BZW2: variants seen among roughly 807,000 people sequenced by gnomAD.
The protein encoded by BZW2 is eIF5-mimic protein 1.
In BZW2, 23 loss-of-function variants were observed where a neutral mutation model predicts 53.2. That is an observed-to-expected ratio of 0.43 (90% CI 0.31 to 0.61). BZW2 has a LOEUF of 0.61. Ranked by LOEUF, BZW2 falls within the 20% of genes least tolerant of loss-of-function variation. The pLI is 0.09. For synonymous variants in BZW2, 227 were observed against 186.4 expected, an observed-to-expected ratio of 1.22 and a Z score of -1.77; for missense variants, 409 against 503.1, an observed-to-expected ratio of 0.81 and a Z score of 1.79.
At chr7:16,671,762 C>G (rs978324171) in intron 2 of BZW2, among the ~76,000 whole-genome samples, 1 of 152,024 alleles carries the variant, frequency 6.6e-6, no homozygotes, top group Non-Finnish European at 1.5e-5. Flanking sequence ...AAGATCCTGT[C>G]TGTACTGAAA....
At chr7:16,674,299 G>A in intron 2 of BZW2, 113 bp from the exon 3 acceptor site, 1 of 723,476 alleles carries the variant, frequency 1.4e-6, no homozygotes, top group Non-Finnish European at 2.1e-6. Context: ...CTTTGGCGAT[G>A]CTCTGTGGAT....
intron 1 of BZW2, among the ~76,000 whole-genome samples, chr7:16,657,681 CTTT>C (rs796198655): frequency 6.6e-6 from 1 of 150,756 alleles, no homozygotes; most frequent in Non-Finnish European, 1.5e-5. Flanking sequence ...TAGTGATAAA[CTTT>C]TTTTTTTCTA....
At chr7:16,673,237 C>T (rs1172422057) in intron 2 of BZW2, among the ~76,000 whole-genome samples, 3 of 152,152 alleles carry the variant, frequency 2.0e-5, no homozygotes, top group East Asian at 1.9e-4. Flanking sequence ...TGAGCCACCA[C>T]GCCCGGCCTT....
In BZW2 at chr7:16,654,868, A is replaced by T. The variant is rs567821199; in HGVS notation, c.-8+8580A>T. Reference sequence around the variant, plus strand: ...TACTATACTGTGTTTAAGTGTGAACAGTGGTCATTACTGAAAGTTAGACTG... The same window carrying T: ...TACTATACTGTGTTTAAGTGTGAACTGTGGTCATTACTGAAAGTTAGACTG... On this transcript the variant is annotated intron_variant, in intron 1 of 11. Transcript: ENST00000258761. Among the ~76,000 whole-genome samples the T allele has an allele frequency of 5.9e-5, 9 of 152,246 alleles. No homozygotes were observed. The South Asian group carries it at 1.9e-3, about 32-fold the overall frequency.
In BZW2 at chr7:16,674,475, C is replaced by G. The variant is rs1298473577; in HGVS notation, c.122C>G (p.Ala41Gly). 1.2e-6 allele frequency: 2 copies of G among 1,613,444 alleles called. No homozygotes were observed. ...RDTLVQGLNE[A>G]GDDLEAVAKF... ...ACACTTGTCCAGGGGCTTAATGAGG[C>G]TGGTGATGACCTTGAAGCTGTAGCC... Residue 41 changes from alanine (A) to glycine (G), a missense_variant, in exon 3 of 12, where the codon GCT becomes GGT. Ala to Gly is a moderately conservative substitution (Grantham distance 60). Around this residue, in one of 3 missense-constraint regions of BZW2, gnomAD observed 316 missense variants for 366.8 expected, o/e 0.86. Transcript: ENST00000258761.
chr7:16,685,805 T>C, intron 5 of BZW2, 100 bp from the exon 6 acceptor site: 1 of 1,376,206 alleles, frequency 7.3e-7, no homozygotes, highest in Non-Finnish European at 9.6e-7. Flanking sequence ...GCCATGGATG[T>C]TCACAGTTTA....
intron 5 of BZW2, among the ~76,000 whole-genome samples, chr7:16,683,278 A>C (rs1045171387): frequency 7.9e-5 from 12 of 152,230 alleles, no homozygotes; most frequent in African/African-American, 2.9e-4. Flanking sequence ...TGTGAAACAC[A>C]TAGTGAGTTT....
Position 16,665,521 on chromosome 7 carries a change from G to T in BZW2, c.58+20G>T. ...AAAGGGGTAGGTTGTGTGTGTGTGT[G>T]TGTGTGTGTTTAAAGTTGTAACCAA... On this transcript the variant is annotated intron_variant, in intron 2 of 11. Coordinates refer to ENST00000258761, the MANE Select transcript of BZW2 (RefSeq NM_014038.3). 2 of 1,613,182 alleles carry T rather than the reference G, an allele frequency of 1.2e-6. No individual in the cohort carries two copies. Among genetic ancestry groups the T allele is most frequent in the Non-Finnish European group, 1.7e-6 (2 of 1,179,442 alleles).
chr7:16,700,517 A>G (rs193059261), intron 10 of BZW2, among the ~76,000 whole-genome samples: 1 of 152,302 alleles, frequency 6.6e-6, no homozygotes, highest in East Asian at 1.9e-4. Context: ...TAATATGCCT[A>G]AGAATTACCC....
chr7:16,674,605 C>A lies in BZW2; in HGVS notation c.235+17C>A. On this transcript the variant is annotated intron_variant, in intron 3 of 11. Coordinates refer to ENST00000258761, the MANE Select transcript of BZW2 (RefSeq NM_014038.3). ...GTATGCTTGGTAAACCATGCATTATCGCTTCTTGTAGTATATTTATATATT... is the reference window on the plus strand; with the variant it reads ...GTATGCTTGGTAAACCATGCATTATAGCTTCTTGTAGTATATTTATATATT... 1 of 1,537,102 alleles carries A rather than the reference C, an allele frequency of 6.5e-7. No homozygotes were observed. The highest frequency in any genetic ancestry group is 2.3e-5 in the East Asian group (1 of 43,964).
At chr7:16,678,375 T>A (rs1018031040) in intron 3 of BZW2, among the ~76,000 whole-genome samples, 4 of 152,112 alleles carry the variant, frequency 2.6e-5, no homozygotes. Flanking sequence ...GCTATCTTGG[T>A]CTTTCAATAT....
At chr7:16,673,046 A>C (rs917496851) in intron 2 of BZW2, among the ~76,000 whole-genome samples, 2 of 152,042 alleles carry the variant, frequency 1.3e-5, no homozygotes, top group Non-Finnish European at 2.9e-5. Context: ...CCCGGGTTCA[A>C]GTGATTCTCC....
At chr7:16,701,567 G>A (rs1783668787) in intron 10 of BZW2, among the ~76,000 whole-genome samples, 1 of 152,076 alleles carries the variant, frequency 6.6e-6, no homozygotes, top group African/African-American at 2.4e-5. Flanking sequence ...AGTTTCAAGT[G>A]ACATAGTTTC....
At chr7:16,686,571 A>G (rs1171574605) in intron 6 of BZW2, 1 of 154,114 alleles carries the variant, frequency 6.5e-6, no homozygotes. Context: ...ATAGGCATGC[A>G]TACCATGGTT....
Position 16,681,276 on chromosome 7 carries a change from A to G in BZW2, c.236-25A>G, listed in dbSNP as rs1156364250. On this transcript the variant is annotated intron_variant, in intron 3 of 11. Transcript: ENST00000258761. ...TGTTCTCAATTTCAGTATTATCCTA[A>G]TTACAATTACCTTTCTCTTTTTAGC... 5 of 1,577,160 alleles carry G rather than the reference A, an allele frequency of 3.2e-6. No individual in the cohort carries two copies. In the Admixed American group the frequency reaches 5.1e-5, roughly 16 times the overall value.
intron 2 of BZW2, among the ~76,000 whole-genome samples, chr7:16,672,721 T>C (rs946504630): frequency 6.6e-6 from 1 of 152,182 alleles, no homozygotes; most frequent in Non-Finnish European, 1.5e-5. Flanking sequence ...TGGTTTGTCA[T>C]CTTCACTTCT....
chr7:16,652,555 T>G (rs1782011729), intron 1 of BZW2, among the ~76,000 whole-genome samples: 1 of 152,214 alleles, frequency 6.6e-6, no homozygotes, highest in South Asian at 2.1e-4. Flanking sequence ...TCGCTGTTGT[T>G]GCCCAGTCTG....
chr7:16,669,613 C>A (rs1346097722), intron 2 of BZW2, among the ~76,000 whole-genome samples: 1 of 143,734 alleles, frequency 7.0e-6, no homozygotes, highest in Non-Finnish European at 1.6e-5. Flanking sequence ...TGCTACATCT[C>A]AGTGACATCC....
chr7:16,666,273 A>T (rs543303848), intron 2 of BZW2, among the ~76,000 whole-genome samples: 8 of 150,844 alleles, frequency 5.3e-5, no homozygotes, highest in South Asian at 2.1e-4. Context: ...TTTTAAAAAA[A>T]TTTTTTTGTA....
Sources: allele counts gnomAD v4.1 joint callset (sites outside exome capture counted in the v4.1 genomes callset), GRCh38; gene constraint gnomAD v4.1.1; regional missense constraint gnomAD v4.1.1; transcripts MANE v1.5; gene names NCBI Gene and HGNC (gene_info 2026-07-23, HGNC 2026-07-21).